UBR3: variants seen among roughly 807,000 people sequenced by gnomAD.
UBR3 encodes E3 ubiquitin-protein ligase UBR3.
A neutral mutation model predicts 243.2 loss-of-function variants in UBR3; 85 were observed. The observed-to-expected ratio is 0.35, with a 90% CI of 0.29 to 0.42. The LOEUF (loss-of-function observed/expected upper bound fraction) is 0.42, where lower values mean the gene tolerates loss of function less well. Ranked by LOEUF, UBR3 falls within the 10% of genes least tolerant of loss-of-function variation. The pLI, the probability that UBR3 is intolerant of heterozygous loss-of-function variation, is 1.00. For synonymous variants in UBR3, 748 were observed against 799.8 expected, an observed-to-expected ratio of 0.94 and a Z score of 1.09; for missense variants, 1,686 against 2,300.8, an observed-to-expected ratio of 0.73 and a Z score of 5.47.
intron 5 of UBR3, among the ~76,000 whole-genome samples, chr2:169,882,927 A>G (rs2083948624): frequency 6.6e-6 from 1 of 152,196 alleles, no homozygotes; most frequent in Admixed American, 6.5e-5. Context: ...CACTCAGGCT[A>G]GTGAATGCCG....
chr2:169,860,348 C>T (rs2083045603), intron 1 of UBR3, among the ~76,000 whole-genome samples: 1 of 152,146 alleles, frequency 6.6e-6, no homozygotes, highest in Non-Finnish European at 1.5e-5. Context: ...GTTACTTGGA[C>T]TCAGGGCTTA....
intron 8 of UBR3, among the ~76,000 whole-genome samples, chr2:169,897,150 A>G (rs1437613551): frequency 3.3e-5 from 5 of 152,178 alleles, no homozygotes; most frequent in African/African-American, 1.2e-4. Flanking sequence ...TATTAATATC[A>G]TGGCTATACC....
intron 18 of UBR3, among the ~76,000 whole-genome samples, chr2:169,930,906 T>G (rs2086097017): frequency 6.6e-6 from 1 of 152,186 alleles, no homozygotes; most frequent in African/African-American, 2.4e-5. Flanking sequence ...AAGTGGCCCC[T>G]GTTATACATC....
rs868440873 is a variant in UBR3 at position 169,975,675 on chromosome 2, T to A, written c.3635-10970T>A. Among the ~76,000 whole-genome samples the A allele has an allele frequency of 2.0e-5, 3 of 152,234 alleles. 1 individual carries two copies. Among genetic ancestry groups the A allele is most frequent in the African/African-American group, 2.4e-5 (1 of 41,534 alleles). ...ATTGTTGTATCCTCTTGTCTGGGTGTGGTACCTTGTGTCTGTAGTCTCAGC... is the reference window on the plus strand; with the variant it reads ...ATTGTTGTATCCTCTTGTCTGGGTGAGGTACCTTGTGTCTGTAGTCTCAGC... On this transcript the variant is annotated intron_variant, in intron 24 of 38. Transcript: ENST00000272793.
At chr2:170,072,619 A>C (rs996206058) in intron 35 of UBR3, among the ~76,000 whole-genome samples, 5 of 152,090 alleles carry the variant, frequency 3.3e-5, no homozygotes, top group African/African-American at 1.2e-4. Flanking sequence ...TGCAAGAATA[A>C]AAGTGTTTAC....
chr2:170,036,324 C>A (rs540497153), intron 31 of UBR3, among the ~76,000 whole-genome samples: 10 of 151,980 alleles, frequency 6.6e-5, no homozygotes, highest in Admixed American at 5.3e-4. Flanking sequence ...TCATATTAAA[C>A]CCTGTAGTTG....
At chr2:169,864,179 G>C (rs1559034735) in intron 1 of UBR3, among the ~76,000 whole-genome samples, 1 of 152,016 alleles carries the variant, frequency 6.6e-6, no homozygotes, top group Non-Finnish European at 1.5e-5. Flanking sequence ...CTGGGTAGCT[G>C]GGATTATAGG....
chr2:170,045,152 CA>C (rs2091053179), intron 32 of UBR3, among the ~76,000 whole-genome samples: 1 of 152,052 alleles, frequency 6.6e-6, no homozygotes, highest in African/African-American at 2.4e-5. Flanking sequence ...TGGCAGAAGG[CA>C]AAAGGCACGT....
At chr2:169,967,271 C>A (rs1157855675) in intron 24 of UBR3, among the ~76,000 whole-genome samples, 1 of 144,244 alleles carries the variant, frequency 6.9e-6, no homozygotes, top group East Asian at 2.0e-4. Flanking sequence ...CCCCGCCCCC[C>A]CCCACACACA....
Position 170,008,950 on chromosome 2 carries a change from T to C in UBR3, c.4367+10T>C, listed in dbSNP as rs769088752. On this transcript the variant is annotated intron_variant, in intron 29 of 38. Coordinates refer to ENST00000272793, the MANE Select transcript of UBR3 (RefSeq NM_172070.4). ...TGTACTCTGTTGCTAGGTAGGTATA[T>C]ATAGTGTATACTTTTTAGTTTACTT... is the stretch of plus-strand genomic sequence containing the variant. 1 of 1,526,278 alleles carries C rather than the reference T, an allele frequency of 6.6e-7. No individual in the cohort carries two copies. Among genetic ancestry groups the C allele is most frequent in the Non-Finnish European group, 8.8e-7 (1 of 1,139,826 alleles). 94.5% of individuals were successfully genotyped at this position (1,526,278 alleles called of 1,614,324 possible). A position where few individuals can be genotyped will look rare whatever the true frequency, so the allele number is the denominator to read the frequency against.
At position 169,947,603 on chromosome 2, in the gene UBR3, C is replaced by T. The variant is rs1346134925; in HGVS notation, c.2972C>T (p.Ser991Leu). ...TGGTTTCCTGGCAGTAACTTAGTGT[C>T]AAACATGCGACACTTTATAAACTAT... ...DSWFPGSNLV[S>L]NMRHFINYVR... Residue 991 changes from serine (S) to leucine (L), a missense_variant, in exon 22 of 39, where the codon TCA (serine) becomes TTA (leucine). This residue lies in a region of UBR3 where 300 missense variants were observed against 314.4 expected (regional missense o/e 0.95). Coordinates refer to ENST00000272793, the MANE Select transcript of UBR3 (RefSeq NM_172070.4). 2 of 1,532,104 alleles carry T rather than the reference C, an allele frequency of 1.3e-6. No individual in the cohort carries two copies. The highest frequency in any genetic ancestry group is 2.1e-5 in the Admixed American group (1 of 48,538). The allele number at this position is 1,532,104 out of a possible 1,614,324, so 94.9% of individuals were successfully genotyped here.
intron 10 of UBR3, among the ~76,000 whole-genome samples, chr2:169,912,486 TTCAC>T (rs2085291464): frequency 2.6e-5 from 4 of 152,194 alleles, no homozygotes. Context: ...TCTGACTTCT[TTCAC>T]TCAATGTAAT....
intron 20 of UBR3, among the ~76,000 whole-genome samples, chr2:169,944,443 G>A (rs979474481): frequency 1.3e-5 from 2 of 152,086 alleles, no homozygotes; most frequent in East Asian, 1.9e-4. Context: ...TATGCTAAAT[G>A]TACAAATAGT....
intron 5 of UBR3, among the ~76,000 whole-genome samples, chr2:169,881,979 ATATATG>A (rs1485189745): frequency 0.048 from 5,943 of 123,880 alleles, 179 homozygotes; most frequent in Middle Eastern, 0.069. Flanking sequence ...TAATTATATT[ATATATG>A]TATATGTATA....
intron 24 of UBR3, among the ~76,000 whole-genome samples, chr2:169,967,675 C>G (rs2087885903): frequency 6.6e-6 from 1 of 152,124 alleles, no homozygotes; most frequent in Non-Finnish European, 1.5e-5. Flanking sequence ...AGAGTCTGAG[C>G]TGAGAGCAGC....
chr2:169,876,081 C>CTTAT, intron 3 of UBR3, 132 bp downstream of exon 3: 1 of 600,668 alleles, frequency 1.7e-6, no homozygotes, highest in East Asian at 4.3e-5. Context: ...ATTAAGAGAA[C>CTTAT]TTCTTTTTTT....
At chr2:169,886,674 G>T (rs2084114888) in intron 5 of UBR3, among the ~76,000 whole-genome samples, 1 of 152,012 alleles carries the variant, frequency 6.6e-6, no homozygotes, top group Non-Finnish European at 1.5e-5. Context: ...CTTCATTAAG[G>T]CCCAAAGCTT....
intron 1 of UBR3, among the ~76,000 whole-genome samples, 197 bp downstream of exon 1, chr2:169,828,249 CGGAGA>C (rs1314332312): frequency 6.6e-6 from 1 of 151,510 alleles, no homozygotes; most frequent in Non-Finnish European, 1.5e-5. Flanking sequence ...GAGAGGAGAG[CGGAGA>C]GCATGTTTAG....
At chr2:170,021,256 GA>G (rs1267999205) in intron 30 of UBR3, among the ~76,000 whole-genome samples, 1 of 152,102 alleles carries the variant, frequency 6.6e-6, no homozygotes, top group Non-Finnish European at 1.5e-5. Context: ...GAAGGAGCAA[GA>G]TAACACTTTT....
Sources: allele counts gnomAD v4.1 joint callset (sites outside exome capture counted in the v4.1 genomes callset), GRCh38; gene constraint gnomAD v4.1.1; regional missense constraint gnomAD v4.1.1; transcripts MANE v1.5; gene names NCBI Gene and HGNC (gene_info 2026-07-23, HGNC 2026-07-21).